The following INSYN2B variants were observed in gnomAD, a reference collection of about 807,000 sequenced individuals.
The protein encoded by INSYN2B is protein INSYN2B.
In INSYN2B, 16 loss-of-function variants were observed where a neutral mutation model predicts 41.2. That is an observed-to-expected ratio of 0.39 (90% CI 0.26 to 0.59). INSYN2B has a LOEUF of 0.59. Ranked by LOEUF, INSYN2B falls within the 20% of genes least tolerant of loss-of-function variation. The probability of loss-of-function intolerance (pLI) is 0.57; values close to 1 mark genes in which losing one functional copy is unlikely to be tolerated. For missense variants in INSYN2B, 608 were observed against 646.4 expected, an observed-to-expected ratio of 0.94 and a Z score of 0.64; for synonymous variants, 245 against 244.4, an observed-to-expected ratio of 1.00 and a Z score of -0.02.
intron 1 of INSYN2B, among the ~76,000 whole-genome samples, chr5:169,915,383 A>G (rs948221903): frequency 1.3e-5 from 2 of 152,290 alleles, no homozygotes; most frequent in African/African-American, 2.4e-5. Context: ...GTGTTTGTCT[A>G]TTTCATTTAA....
At chr5:169,966,292 G>T (rs1221421037) in intron 1 of INSYN2B, among the ~76,000 whole-genome samples, 1 of 152,094 alleles carries the variant, frequency 6.6e-6, no homozygotes, top group Non-Finnish European at 1.5e-5. Flanking sequence ...GATTATTTTG[G>T]GGGGCGGGGG....
rs774178103 is a variant in INSYN2B at position 169,883,855 on chromosome 5, C to G, written c.44G>C (p.Arg15Pro). 6.5e-7 allele frequency: 1 copy of G among 1,533,496 alleles called. No homozygotes were observed. The highest frequency in any genetic ancestry group is 2.0e-5 in the Admixed American group (1 of 48,978). 95.0% of individuals were successfully genotyped at this position (1,533,496 alleles called of 1,614,324 possible). The change falls in exon 2 of 4, where the codon CGT (arginine) becomes CCT (proline). Residue 15 changes from arginine (R) to proline (P), a missense_variant. By Grantham distance (103) the Arg-to-Pro change is moderately radical. Transcript: ENST00000377365. ...NMKVRPVLLK[R>P]NSLESVEFVK... Reference sequence around the variant, plus strand: ...AAACTCCACTGATTCTAGACTGTTACGCTTTAGAAGCACAGGTCTCACTTT... The same window carrying G: ...AAACTCCACTGATTCTAGACTGTTAGGCTTTAGAAGCACAGGTCTCACTTT...
Position 169,884,052 on chromosome 5 carries a change from G to A in INSYN2B, c.-154C>T. 1 of 602,994 alleles carries A rather than the reference G, an allele frequency of 1.7e-6. No individual in the cohort carries two copies. The highest frequency in any genetic ancestry group is 2.6e-6 in the Non-Finnish European group (1 of 382,512). 37.4% of individuals were successfully genotyped at this position (602,994 alleles called of 1,614,324 possible). A position where few individuals can be genotyped will look rare whatever the true frequency, so the allele number is the denominator to read the frequency against. ...TCCTCTTAGTATGGGAAATCCTGTT[G>A]GCCATTCCCAGCCTCTAGAGTCTAC... is the stretch of plus-strand genomic sequence containing the variant. On this transcript the variant is annotated 5_prime_UTR_variant, in exon 2 of 4. Coordinates refer to ENST00000377365, the MANE Select transcript of INSYN2B (RefSeq NM_001129891.3).
intron 1 of INSYN2B, among the ~76,000 whole-genome samples, chr5:169,912,934 G>A (rs757129616): frequency 6.6e-6 from 1 of 151,968 alleles, no homozygotes. Context: ...TTTAGGGTCT[G>A]CAGTTTTGAA....
intron 1 of INSYN2B, among the ~76,000 whole-genome samples, chr5:169,936,188 G>T (rs944936603): frequency 3.3e-5 from 5 of 152,186 alleles, no homozygotes; most frequent in Non-Finnish European, 7.4e-5. Flanking sequence ...ACTACACACA[G>T]AATTAATCCA....
Position 169,864,477 on chromosome 5 carries a change from G to C in INSYN2B, c.1422-18C>G. The C allele has an allele frequency of 6.7e-7, 1 of 1,503,012 alleles. No individual in the cohort carries two copies. Among genetic ancestry groups the C allele is most frequent in the Non-Finnish European group, 8.9e-7 (1 of 1,123,302 alleles). 93.1% of individuals were successfully genotyped at this position (1,503,012 alleles called of 1,614,324 possible). A position where few individuals can be genotyped will look rare whatever the true frequency, so the allele number is the denominator to read the frequency against. ...ACTCTACACTGAAAAACACAGAGAG[G>C]AAGGAAGGAAAGTGAATTCGAATCA... On this transcript the variant is annotated intron_variant, in intron 3 of 3. Transcript: ENST00000377365.
chr5:169,866,866 C>T (rs1417425303), intron 3 of INSYN2B, among the ~76,000 whole-genome samples: 1 of 152,214 alleles, frequency 6.6e-6, no homozygotes, highest in Non-Finnish European at 1.5e-5. Flanking sequence ...CTCCCCACTA[C>T]CAAGCAGTGG....
intron 1 of INSYN2B, among the ~76,000 whole-genome samples, chr5:169,955,959 A>G (rs1308372830): frequency 2.6e-5 from 4 of 151,994 alleles, no homozygotes; most frequent in Admixed American, 6.5e-5. Context: ...AGCCTGGGTC[A>G]TGAGAGTCCT....
chr5:169,910,401 A>G (rs1774527859), intron 1 of INSYN2B, among the ~76,000 whole-genome samples: 1 of 152,086 alleles, frequency 6.6e-6, no homozygotes, highest in Non-Finnish European at 1.5e-5. Flanking sequence ...CAGAGGATCT[A>G]CCCCCTCAGT....
rs1776172221 is a variant in INSYN2B at position 169,940,034 on chromosome 5, A to G, written c.-919+40243T>C. Among the ~76,000 whole-genome samples, 4 of 152,300 alleles carry G rather than the reference A, an allele frequency of 2.6e-5. No homozygotes were observed. The South Asian group carries it at 8.3e-4, about 32-fold the overall frequency. ...CAAACCCCAACACCTCCCATTCCCC[A>G]GGGAGTTTTCTCACTGTGTCATCTA... On this transcript the variant is annotated intron_variant, in intron 1 of 3. Transcript: ENST00000377365.
intron 3 of INSYN2B, among the ~76,000 whole-genome samples, chr5:169,877,883 G>A (rs554101274): frequency 7.2e-4 from 109 of 152,144 alleles, no homozygotes; most frequent in African/African-American, 2.5e-3. Flanking sequence ...TTCACCCACC[G>A]AAAACCGTAA....
intron 1 of INSYN2B, among the ~76,000 whole-genome samples, chr5:169,902,061 C>T (rs1773956950): frequency 6.6e-6 from 1 of 152,140 alleles, no homozygotes; most frequent in Admixed American, 6.5e-5. Flanking sequence ...CTCTGTGTGC[C>T]AAGGAAACCA....
chr5:169,893,748 G>C (rs1773429959), intron 1 of INSYN2B, among the ~76,000 whole-genome samples: 1 of 152,186 alleles, frequency 6.6e-6, no homozygotes, highest in South Asian at 2.1e-4. Context: ...GCTGTGAACA[G>C]ATTTACTCAT....
chr5:169,940,227 G>A (rs1027481307), intron 1 of INSYN2B, among the ~76,000 whole-genome samples: 2 of 152,176 alleles, frequency 1.3e-5, no homozygotes, highest in African/African-American at 2.4e-5. Flanking sequence ...CTGAGAAGTT[G>A]GTGGTCTTTA....
chr5:169,978,027 ATC>A (rs1777778048), intron 1 of INSYN2B, among the ~76,000 whole-genome samples: 1 of 152,186 alleles, frequency 6.6e-6, no homozygotes, highest in Admixed American at 6.5e-5. Flanking sequence ...AGAACTTTTC[ATC>A]TGTCTCTGAG....
At chr5:169,922,988 A>T (rs1775254492) in intron 1 of INSYN2B, among the ~76,000 whole-genome samples, 1 of 152,232 alleles carries the variant, frequency 6.6e-6, no homozygotes. Context: ...AATTTCTCTT[A>T]TCGGTCCCAC....
chr5:169,872,716 A>G (rs1772061595), intron 3 of INSYN2B, among the ~76,000 whole-genome samples: 1 of 152,198 alleles, frequency 6.6e-6, no homozygotes, highest in Non-Finnish European at 1.5e-5. Context: ...TAACACACTT[A>G]TTCACTGACG....
At chr5:169,970,049 T>C (rs1192585410) in intron 1 of INSYN2B, among the ~76,000 whole-genome samples, 3 of 152,226 alleles carry the variant, frequency 2.0e-5, no homozygotes, top group Non-Finnish European at 4.4e-5. Context: ...CTGGCTACAG[T>C]GATGTAAGTG....
chr5:169,909,487 C>T (rs1774473759), intron 1 of INSYN2B, among the ~76,000 whole-genome samples: 1 of 152,208 alleles, frequency 6.6e-6, no homozygotes. Flanking sequence ...TTTGGATTCA[C>T]ACTCCATCAG....
Sources: gnomAD v4.1 joint callset for allele counts (sites outside exome capture counted in the v4.1 genomes callset) on GRCh38, gnomAD v4.1.1 for gene constraint, MANE v1.5 for transcripts, NCBI Gene and HGNC (gene_info 2026-07-23, HGNC 2026-07-21) for gene names.